Variants in NCF2 observed in about 807,000 individuals in gnomAD.
NCF2 encodes neutrophil cytosol factor 2.
NCF2 carries 45 observed loss-of-function variants against 70.9 expected under a neutral mutation model. That is an observed-to-expected ratio of 0.63 (90% CI 0.50 to 0.81). The LOEUF is 0.81. Ranked by LOEUF, NCF2 falls within the 40% of genes least tolerant of loss-of-function variation. The probability of loss-of-function intolerance (pLI) is 0.00; values close to 1 mark genes in which losing one functional copy is unlikely to be tolerated. For synonymous variants in NCF2, 203 were observed against 233.6 expected, an observed-to-expected ratio of 0.87 and a Z score of 1.19; for missense variants, 522 against 631.6, an observed-to-expected ratio of 0.83 and a Z score of 1.86.
chr1:183,564,281 GCATATCCTCACCAAC>G (rs1672211004), intron 10 of NCF2, among the ~76,000 whole-genome samples: 1 of 151,948 alleles, frequency 6.6e-6, no homozygotes, highest in Admixed American at 6.6e-5. Context: ...CAAAGGACCA[GCATATCCTCACCAAC>G]CCACAAGGTT....
intron 7 of NCF2, 200 bp from the exon 8 acceptor site, chr1:183,567,545 T>C: frequency 1.3e-6 from 1 of 744,776 alleles, no homozygotes; most frequent in Non-Finnish European, 2.4e-6. Context: ...CTCATAACCA[T>C]ATATGCAGAG....
At chr1:183,581,468 TA>T (rs1295838138) in intron 2 of NCF2, among the ~76,000 whole-genome samples, 81 of 142,958 alleles carry the variant, frequency 5.7e-4, no homozygotes, top group Admixed American at 9.1e-4. Flanking sequence ...ACCCCTTCTC[TA>T]AAAAAAAAAA....
At chr1:183,569,375 T>G (rs745691949) in intron 6 of NCF2, 190 bp from the exon 7 acceptor site, 11 of 641,186 alleles carry the variant, frequency 1.7e-5, no homozygotes, top group Non-Finnish European at 3.1e-5. Flanking sequence ...AAATAACACC[T>G]CCCACCAGCT....
At chr1:183,585,723 T>C (rs1248346795) in intron 2 of NCF2, among the ~76,000 whole-genome samples, 4 of 152,112 alleles carry the variant, frequency 2.6e-5, no homozygotes, top group South Asian at 4.1e-4. Context: ...CAGTTTCCCA[T>C]GCCCCAAAAC....
intron 14 of NCF2, among the ~76,000 whole-genome samples, chr1:183,559,201 C>T (rs1671929608): frequency 6.6e-6 from 1 of 152,058 alleles, no homozygotes; most frequent in Non-Finnish European, 1.5e-5. Flanking sequence ...TTAGAACTCT[C>T]CACTTTTAAG....
At chr1:183,597,468 TA>T in the NCF2 span, among the ~76,000 whole-genome samples, 1 of 152,262 alleles carries the variant, frequency 6.6e-6, no homozygotes, top group African/African-American at 2.4e-5. Context: ...CAGAATTTTT[TA>T]AAAAAATTTA....
rs987968831 is a variant in NCF2 at position 183,590,326 on chromosome 1, A to C, written c.4T>G (p.Ser2Ala). 1.2e-5 allele frequency: 19 copies of C among 1,613,860 alleles called. No individual in the cohort carries two copies. Among genetic ancestry groups the C allele is most frequent in the Non-Finnish European group, 1.5e-5 (18 of 1,179,994 alleles). Reference sequence around the variant, plus strand: ...CAGAGGCTGATGGCCTCCACCAGGGACATGATTAGGTAGAAACTAGGAGGC... The same window carrying C: ...CAGAGGCTGATGGCCTCCACCAGGGCCATGATTAGGTAGAAACTAGGAGGC... The part of the protein sequence containing the change: M[S>A]LVEAISLWNE... The change falls in exon 1 of 15, where the codon TCC becomes GCC. Residue 2 changes from serine (S) to alanine (A), a missense_variant. By Grantham distance (99) the Ser-to-Ala change is moderately conservative (BLOSUM62 1). Coordinates refer to ENST00000367535, the MANE Select transcript of NCF2 (RefSeq NM_000433.4).
At chr1:183,599,545 C>T in the NCF2 span, among the ~76,000 whole-genome samples, 1 of 144,352 alleles carries the variant, frequency 6.9e-6, no homozygotes, top group Non-Finnish European at 1.5e-5. Context: ...TTCTTTCTTT[C>T]CTTCTTTCTT....
chr1:183,560,417 T>C (rs1481716424), intron 13 of NCF2, 144 bp from the exon 14 acceptor site: 2 of 916,166 alleles, frequency 2.2e-6, no homozygotes, highest in East Asian at 2.5e-5. Context: ...GTAGAGCTTA[T>C]ATGCTCTTTA....
Position 183,573,167 on chromosome 1 carries a change from C to G in NCF2, c.609+18G>C. 1 of 1,608,746 alleles carries G rather than the reference C, an allele frequency of 6.2e-7. No homozygotes were observed. The highest frequency in any genetic ancestry group is 8.5e-7 in the Non-Finnish European group (1 of 1,175,424). The stretch of plus-strand genomic sequence containing the variant: ...CGGGCCACAGGAGACTCAGGGGAAG[C>G]TGAGCAATCCCACCTACCGTCGCCT... On this transcript the variant is annotated intron_variant, in intron 5 of 14. Transcript: ENST00000367535.
upstream of NCF2, among the ~76,000 whole-genome samples, chr1:183,594,572 T>C (rs1673737140): frequency 6.6e-6 from 1 of 152,228 alleles, no homozygotes; most frequent in Non-Finnish European, 1.5e-5. Context: ...GGATTCTCGG[T>C]ACCTAGTACA....
chr1:183,579,770 T>C (rs888559959), intron 2 of NCF2, among the ~76,000 whole-genome samples: 3 of 127,398 alleles, frequency 2.4e-5, no homozygotes, highest in Admixed American at 8.1e-5. Flanking sequence ...AAAAAGAGAA[T>C]AATAACAGCA....
At chr1:183,556,831 ATTTT>A (rs1318054245) in intron 14 of NCF2, among the ~76,000 whole-genome samples, 2 of 152,138 alleles carry the variant, frequency 1.3e-5, no homozygotes, top group Non-Finnish European at 2.9e-5. Flanking sequence ...GCCTGGCCCA[ATTTT>A]TTAAGAGAGG....
intron 13 of NCF2, among the ~76,000 whole-genome samples, chr1:183,561,647 T>TC (rs1672054755): frequency 6.6e-6 from 1 of 151,784 alleles, no homozygotes; most frequent in Non-Finnish European, 1.5e-5. Flanking sequence ...TTTTCTTTTT[T>TC]TTTTGTATTT....
At chr1:183,585,146 A>G (rs789185) in intron 2 of NCF2, among the ~76,000 whole-genome samples, 63,234 of 151,932 alleles carry the variant, frequency 0.42, 13,890 homozygotes, top group African/African-American at 0.55. Flanking sequence ...AGCTGCATAC[A>G]TGGGTTTTAC....
At position 183,590,375 on chromosome 1, in the gene NCF2, G is replaced by C. The variant is rs773251896; in HGVS notation, c.-46C>G. 3 of 1,610,672 alleles carry C rather than the reference G, an allele frequency of 1.9e-6. No individual in the cohort carries two copies. Among genetic ancestry groups the C allele is most frequent in the Admixed American group, 1.7e-5 (1 of 59,818 alleles). On this transcript the variant is annotated 5_prime_UTR_variant, in exon 1 of 15. Transcript: ENST00000367535. ...GCCAAGAGAGCTGCCAGGAGACAGA[G>C]AGAAGACAGGTTGGAGCGTCTCCCC...
intron 2 of NCF2, 110 bp from the exon 3 acceptor site, chr1:183,577,817 C>T: frequency 1.3e-6 from 1 of 795,198 alleles, no homozygotes; most frequent in Non-Finnish European, 2.2e-6. Flanking sequence ...GGACAAGAAG[C>T]CTTTCAGTTC....
intron 3 of NCF2, among the ~76,000 whole-genome samples, chr1:183,575,796 G>A (rs1398807261): frequency 1.3e-5 from 2 of 152,164 alleles, no homozygotes; most frequent in Admixed American, 6.5e-5. Context: ...CAACAATGAC[G>A]TGAACTTGCC....
In NCF2 at chr1:183,582,808, G is replaced by C. The variant is rs79633651; in HGVS notation, c.257+4087C>G. On this transcript the variant is annotated intron_variant, in intron 2 of 14. Coordinates refer to ENST00000367535, the MANE Select transcript of NCF2 (RefSeq NM_000433.4). ...GGCACAGGATCTGAAAGACAGCTTC[G>C]AGCCCCTGTGCCTTTCAGATGACAA... is the stretch of plus-strand genomic sequence containing the variant. 1.1e-4 allele frequency among the ~76,000 whole-genome samples: 17 copies of C among 152,258 alleles called. No individual in the cohort carries two copies. In the East Asian group the frequency reaches 3.1e-3, roughly 28 times the overall value.
Sources: gnomAD v4.1 joint callset for allele counts (sites outside exome capture counted in the v4.1 genomes callset) on GRCh38, gnomAD v4.1.1 for gene constraint, MANE v1.5 for transcripts, NCBI Gene and HGNC (gene_info 2026-07-23, HGNC 2026-07-21) for gene names.